The following TMEM272 variants were observed in gnomAD, a reference collection of about 807,000 sequenced individuals.
The protein encoded by TMEM272 is transmembrane protein 272, also known as long intergenic non-protein coding RNA 282.
TMEM272 carries 8 observed loss-of-function variants against 3.7 expected under a neutral mutation model. The ratio of observed to expected loss-of-function variants is 2.17; its 90% CI spans 1.27 to 3.91. The LOEUF is 3.91. Among genes scored for constraint, TMEM272 ranks in the 30% most tolerant of loss-of-function variants. The pLI, the probability that TMEM272 is intolerant of heterozygous loss-of-function variation, is 0.00. For synonymous variants in TMEM272, 63 were observed against 39.8 expected (o/e 1.58, Z -2.20); for missense variants, 166 against 91.5 (o/e 1.81, Z -3.32).
chr13:51,883,187 G>C, the TMEM272 span, among the ~76,000 whole-genome samples: 2 of 152,244 alleles, frequency 1.3e-5, no homozygotes, highest in East Asian at 3.8e-4. Flanking sequence ...AGCCAGCCAG[G>C]AGGGAACGGT....
At chr13:51,913,899 C>T in the TMEM272 span, among the ~76,000 whole-genome samples, 1 of 152,190 alleles carries the variant, frequency 6.6e-6, no homozygotes, top group Non-Finnish European at 1.5e-5. Context: ...ATTTTGGGTG[C>T]ATTTGGGAGG....
At chr13:51,830,953 GGTCGAATGAGGCTCACTCTTGCTTAAA>G (rs1449453961) in intron 2 of TMEM272, among the ~76,000 whole-genome samples, 3 of 150,854 alleles carry the variant, frequency 2.0e-5, no homozygotes, top group Non-Finnish European at 4.4e-5. Context: ...TCTTGCTCGA[GGTCGAATGAGGCTCACTCTTGCTTAAA>G]GTCTAATGAG....
At chr13:51,893,724 C>T in the TMEM272 span, among the ~76,000 whole-genome samples, 3 of 152,212 alleles carry the variant, frequency 2.0e-5, no homozygotes, top group Admixed American at 1.3e-4. Flanking sequence ...CACACAGTTG[C>T]TTCTGCGTTT....
chr13:51,856,385 C>G, the TMEM272 span, among the ~76,000 whole-genome samples: 2 of 152,214 alleles, frequency 1.3e-5, no homozygotes. Flanking sequence ...TTTATCAGAA[C>G]TCAGGCCCCT....
chr13:51,926,715 G>A, the TMEM272 span, among the ~76,000 whole-genome samples: 1 of 152,118 alleles, frequency 6.6e-6, no homozygotes, highest in Non-Finnish European at 1.5e-5. Context: ...CATGCTGGGA[G>A]CAGGAGGGAT....
intron 4 of TMEM272, among the ~76,000 whole-genome samples, chr13:51,818,641 G>C (rs1956054343): frequency 6.6e-6 from 1 of 152,208 alleles, no homozygotes; most frequent in South Asian, 2.1e-4. Flanking sequence ...CAAAACTGGA[G>C]CCATTGGGCC....
At chr13:51,897,685 G>C in the TMEM272 span, among the ~76,000 whole-genome samples, 1 of 151,890 alleles carries the variant, frequency 6.6e-6, no homozygotes, top group East Asian at 1.9e-4. Context: ...CCAGTACTTT[G>C]GGAGGCCGAG....
chr13:51,901,103 C>T, the TMEM272 span, among the ~76,000 whole-genome samples: 1 of 152,066 alleles, frequency 6.6e-6, no homozygotes, highest in Non-Finnish European at 1.5e-5. Context: ...GGGGTGACAT[C>T]TATGACGTGA....
At chr13:51,910,176 T>C in the TMEM272 span, 1 of 1,093,768 alleles carries the variant, frequency 9.1e-7, no homozygotes, top group Non-Finnish European at 1.4e-6. Context: ...TATCCCCTTT[T>C]CTAGACAGAG....
At chr13:51,888,639 C>CTTTTTTTTTTTTTTTTTTTTTTT in the TMEM272 span, among the ~76,000 whole-genome samples, 10 of 76,796 alleles carry the variant, frequency 1.3e-4, 1 homozygote, top group Non-Finnish European at 2.1e-4. Flanking sequence ...TTTTCTTTTT[C>CTTTTTTTTTTTTTTTTTTTTTTT]TTTTTTTTTT....
intron 3 of TMEM272, among the ~76,000 whole-genome samples, chr13:51,826,137 G>GAAAA (rs1254151467): frequency 5.6e-4 from 39 of 69,938 alleles, no homozygotes; most frequent in African/African-American, 2.5e-3. Context: ...CATTCATTCA[G>GAAAA]CAAAAAAAAA....
chr13:51,888,633 CTTTT>C, the TMEM272 span, among the ~76,000 whole-genome samples: 5 of 120,114 alleles, frequency 4.2e-5, no homozygotes, highest in African/African-American at 6.0e-5. Flanking sequence ...TTTCTTTTTT[CTTTT>C]TCTTTTTTTT....
chr13:51,904,033 T>C, the TMEM272 span, among the ~76,000 whole-genome samples: 1 of 150,678 alleles, frequency 6.6e-6, no homozygotes, highest in African/African-American at 2.4e-5. Context: ...CAAAAATACA[T>C]TCACACTGGA....
intron 1 of TMEM272, among the ~76,000 whole-genome samples, chr13:51,842,349 T>A (rs1956270634): frequency 6.6e-6 from 1 of 152,258 alleles, no homozygotes; most frequent in Non-Finnish European, 1.5e-5. Flanking sequence ...CAAGAAGTAT[T>A]ATTTGAAATG....
the TMEM272 span, among the ~76,000 whole-genome samples, chr13:51,930,806 T>C: frequency 6.6e-6 from 1 of 151,806 alleles, no homozygotes; most frequent in Non-Finnish European, 1.5e-5. Flanking sequence ...AACTATTTGA[T>C]TGGCTGATTT....
chr13:51,910,486 A>G, the TMEM272 span: 10 of 760,278 alleles, frequency 1.3e-5, no homozygotes, highest in African/African-American at 1.5e-4. Context: ...ACAGCTGCAC[A>G]TATCACCAAT....
At chr13:51,925,169 T>C in the TMEM272 span, among the ~76,000 whole-genome samples, 1 of 152,182 alleles carries the variant, frequency 6.6e-6, no homozygotes, top group South Asian at 2.1e-4. Context: ...TTCCCAAAAC[T>C]CCACTGCCTT....
the TMEM272 span, among the ~76,000 whole-genome samples, chr13:51,912,981 C>T: frequency 6.6e-6 from 1 of 152,228 alleles, no homozygotes; most frequent in Non-Finnish European, 1.5e-5. Flanking sequence ...CAGGTGTCCA[C>T]TGAACAAAGC....
chr13:51,855,670 C>A, the TMEM272 span, among the ~76,000 whole-genome samples: 8 of 151,902 alleles, frequency 5.3e-5, no homozygotes, highest in Admixed American at 4.6e-4. Flanking sequence ...AGATTAGACA[C>A]CGCTGAAGAA....
Sources: allele counts gnomAD v4.1 joint callset (sites outside exome capture counted in the v4.1 genomes callset), GRCh38; gene constraint gnomAD v4.1.1; transcripts MANE v1.5; gene names NCBI Gene and HGNC (gene_info 2026-07-23, HGNC 2026-07-21).